Variants in ANOS1 observed in about 807,000 individuals in gnomAD.
ANOS1 encodes the protein anosmin 1.
Under a neutral mutation model 59.0 loss-of-function variants are expected in ANOS1, and 6 were observed. The observed-to-expected ratio is 0.10, with a 90% CI of 0.06 to 0.20. ANOS1 has a LOEUF of 0.20. ANOS1 is among the 10% of genes least tolerant of loss of function. The pLI is 1.00. For synonymous variants in ANOS1, 217 were observed against 223.4 expected, an observed-to-expected ratio of 0.97 and a Z score of 0.25; for missense variants, 433 against 542.3, an observed-to-expected ratio of 0.80 and a Z score of 2.00.
In ANOS1 at chrX:8,678,356, T is replaced by C. The variant is rs141997083; in HGVS notation, c.255+21342A>G. On this transcript the variant is annotated intron_variant, in intron 2 of 13. Coordinates refer to ENST00000262648, the MANE Select transcript of ANOS1 (RefSeq NM_000216.4). ...ATATCCCTGAGAATTTCAAAGGAGA[T>C]TGAACCCCAAGTGCCTAGAGATTCC... Among the ~76,000 whole-genome samples the C allele has an allele frequency of 3.4e-3, 382 of 111,952 alleles. 1 individual carries two copies. Among genetic ancestry groups the C allele is most frequent in the African/African-American group, 0.011 (349 of 30,680 alleles).
At chrX:8,708,943 A>C (rs1355647351) in intron 1 of ANOS1, among the ~76,000 whole-genome samples, 1 of 111,782 alleles carries the variant, frequency 8.9e-6, no homozygotes, top group Non-Finnish European at 1.9e-5. Flanking sequence ...ATAAAAAAGG[A>C]TGAGTTCATG....
Position 8,534,473 on chromosome X carries a change from C to T in ANOS1, c.1843-13G>A, listed in dbSNP as rs1417554155. 1.1e-5 allele frequency: 13 copies of T among 1,204,450 alleles called. No individual in the cohort carries two copies. The highest frequency in any genetic ancestry group is 1.8e-5 in the South Asian group (1 of 56,282). ...GGACATAATGATCCTAAGGGGACAA[C>T]ATAAAAGAGCATGCTCACCGACAAC... On this transcript the variant is annotated splice_polypyrimidine_tract_variant and intron_variant, in intron 12 of 13. Transcript: ENST00000262648.
intron 4 of ANOS1, among the ~76,000 whole-genome samples, chrX:8,593,558 C>T (rs1382204129): frequency 8.9e-6 from 1 of 112,175 alleles, no homozygotes; most frequent in Non-Finnish European, 1.9e-5. Flanking sequence ...CAATGTAAAA[C>T]AATCCCATGT....
intron 3 of ANOS1, among the ~76,000 whole-genome samples, chrX:8,613,891 T>C (rs5934459): frequency 0.38 from 42,574 of 111,292 alleles, 5,809 homozygotes; most frequent in South Asian, 0.43. Context: ...CTTGGTTCAG[T>C]AGCATTAGCA....
intron 1 of ANOS1, among the ~76,000 whole-genome samples, chrX:8,707,806 T>C (rs1345345179): frequency 2.7e-5 from 3 of 112,272 alleles, no homozygotes; most frequent in African/African-American, 9.7e-5. Flanking sequence ...CTGAAACCCT[T>C]AGGGTGCATT....
chrX:8,544,987 A>G (rs1929744380), intron 9 of ANOS1, among the ~76,000 whole-genome samples: 1 of 100,959 alleles, frequency 9.9e-6, no homozygotes, highest in South Asian at 4.9e-4. Flanking sequence ...AATCACTCAA[A>G]CCCGGAAGGC....
intron 2 of ANOS1, among the ~76,000 whole-genome samples, chrX:8,667,833 G>A (rs1602014720): frequency 9.0e-6 from 1 of 111,060 alleles, no homozygotes; most frequent in African/African-American, 3.3e-5. Context: ...GAGTATGGCT[G>A]TGGAGGATTA....
intron 6 of ANOS1, among the ~76,000 whole-genome samples, chrX:8,576,150 G>C (rs1341106245): frequency 1.8e-5 from 2 of 110,409 alleles, no homozygotes; most frequent in Non-Finnish European, 3.8e-5. Context: ...CCAAAAGAGA[G>C]TGGCAGCGAT....
intron 3 of ANOS1, among the ~76,000 whole-genome samples, chrX:8,599,463 G>T (rs1930801887): frequency 9.0e-6 from 1 of 111,326 alleles, no homozygotes; most frequent in Admixed American, 9.5e-5. Flanking sequence ...GTTACACCTG[G>T]ACGATACCTG....
chrX:8,567,390 C>T (rs1930134612), intron 8 of ANOS1, among the ~76,000 whole-genome samples: 1 of 111,958 alleles, frequency 8.9e-6, no homozygotes, highest in African/African-American at 3.2e-5. Context: ...CCCCTATCCA[C>T]TCGCGTACAT....
intron 1 of ANOS1, among the ~76,000 whole-genome samples, chrX:8,704,709 G>T (rs1170578976): frequency 1.8e-5 from 2 of 112,073 alleles, no homozygotes; most frequent in African/African-American, 6.5e-5. Context: ...CATGTCATAG[G>T]CTGCTTGGGA....
intron 2 of ANOS1, among the ~76,000 whole-genome samples, chrX:8,663,734 C>T (rs138399814): frequency 0.022 from 2,425 of 111,634 alleles, 83 homozygotes; most frequent in African/African-American, 0.076. Flanking sequence ...CCATACCTTC[C>T]CTTTCCTTCC....
intron 3 of ANOS1, among the ~76,000 whole-genome samples, chrX:8,622,432 T>C (rs1305760987): frequency 6.2e-5 from 7 of 112,295 alleles, no homozygotes; most frequent in South Asian, 3.7e-4. Context: ...GAGTGAAACA[T>C]AGGCAATGGG....
intron 6 of ANOS1, among the ~76,000 whole-genome samples, chrX:8,581,096 C>T (rs191522113): frequency 1.8e-5 from 2 of 108,603 alleles, no homozygotes; most frequent in East Asian, 5.6e-4. Flanking sequence ...TTGACAAATA[C>T]ACCTGATATG....
chrX:8,567,982 TAA>T (rs1214667473), intron 8 of ANOS1, among the ~76,000 whole-genome samples: 2 of 112,407 alleles, frequency 1.8e-5, no homozygotes, highest in Non-Finnish European at 3.8e-5. Flanking sequence ...TGAGACACAA[TAA>T]GTTTTCTTAA....
chrX:8,550,661 C>A (rs1179445864), intron 9 of ANOS1, among the ~76,000 whole-genome samples: 2 of 110,354 alleles, frequency 1.8e-5, no homozygotes, highest in Non-Finnish European at 3.8e-5. Flanking sequence ...TATAGAAAGT[C>A]CAAAAATTAA....
intron 8 of ANOS1, among the ~76,000 whole-genome samples, chrX:8,564,104 AAGAGCCGGATGGAG>A (rs1366052309): frequency 8.9e-6 from 1 of 111,809 alleles, no homozygotes; most frequent in Non-Finnish European, 1.9e-5. Context: ...TCCAATGTCC[AAGAGCCGGATGGAG>A]GCAGGAGATC....
chrX:8,686,259 G>A (rs965747248), intron 2 of ANOS1, among the ~76,000 whole-genome samples: 4 of 111,978 alleles, frequency 3.6e-5, no homozygotes, highest in East Asian at 2.8e-4. Flanking sequence ...GGCAACATGC[G>A]CAGCCACAGT....
intron 2 of ANOS1, among the ~76,000 whole-genome samples, chrX:8,671,587 G>GTATATATA (rs752088039): frequency 2.0e-5 from 2 of 102,230 alleles, no homozygotes; most frequent in African/African-American, 7.1e-5. Flanking sequence ...ATGTGTATGA[G>GTATATATA]TATATATATA....
Sources: gnomAD v4.1 joint callset for allele counts (sites outside exome capture counted in the v4.1 genomes callset) on GRCh38, gnomAD v4.1.1 for gene constraint, MANE v1.5 for transcripts, NCBI Gene and HGNC (gene_info 2026-07-23, HGNC 2026-07-21) for gene names.